CUX2: variants seen among roughly 807,000 people sequenced by gnomAD.
CUX2 encodes the protein homeobox protein cut-like 2.
A neutral mutation model predicts 144.8 loss-of-function variants in CUX2; 40 were observed. That is an observed-to-expected ratio of 0.28 (90% confidence interval 0.21 to 0.36). The LOEUF is 0.36. CUX2 is among the 10% of genes least tolerant of loss of function. CUX2 has a pLI of 1.00. For synonymous variants in CUX2, 827 were observed against 875.6 expected, an observed-to-expected ratio of 0.94 and a Z score of 0.98; for missense variants, 1,615 against 1,994.0, an observed-to-expected ratio of 0.81 and a Z score of 3.62.
rs1888991504 is a variant in CUX2 at position 111,350,074 on chromosome 12, A to G, written c.*1749A>G. 6.6e-6 allele frequency: 1 copy of G among 152,662 alleles called. No individual in the cohort carries two copies. The highest frequency in any genetic ancestry group is 6.5e-5 in the Admixed American group (1 of 15,280). The allele number at this position is 152,662 out of a possible 1,614,324, so 9.5% of individuals were successfully genotyped here. A position where few individuals can be genotyped will look rare whatever the true frequency, so the allele number is the denominator to read the frequency against. The stretch of plus-strand genomic sequence containing the variant: ...TCCATACACCCAGGCTATGCATTGA[A>G]GAGTTTTCCACTGTATACATTTTTA... On this transcript the variant is annotated 3_prime_UTR_variant, in exon 22 of 22. Coordinates refer to ENST00000261726, the MANE Select transcript of CUX2 (RefSeq NM_015267.4).
intron 18 of CUX2, among the ~76,000 whole-genome samples, chr12:111,326,793 A>G (rs539691777): frequency 6.6e-5 from 10 of 152,072 alleles, no homozygotes; most frequent in African/African-American, 1.7e-4. Flanking sequence ...AATCCCAGCT[A>G]CTCGGGAGGC....
chr12:111,319,606 C>T (rs1485064875), intron 16 of CUX2, among the ~76,000 whole-genome samples: 1 of 152,146 alleles, frequency 6.6e-6, no homozygotes, highest in East Asian at 1.9e-4. Flanking sequence ...GTGGTGCACA[C>T]CTGTAATCCC....
chr12:111,103,689 T>C (rs1330883421), intron 1 of CUX2, among the ~76,000 whole-genome samples: 2 of 152,236 alleles, frequency 1.3e-5, no homozygotes, highest in African/African-American at 4.8e-5. Flanking sequence ...CTTACGGTTC[T>C]ATCTGAGAGA....
intron 1 of CUX2, among the ~76,000 whole-genome samples, chr12:111,133,316 C>T (rs575325728): frequency 1.5e-3 from 224 of 152,250 alleles, no homozygotes; most frequent in Non-Finnish European, 2.5e-3. Flanking sequence ...TTCGTTTTCA[C>T]GCTGCCGATA....
intron 1 of CUX2, among the ~76,000 whole-genome samples, chr12:111,157,001 A>AC (rs939945339): frequency 6.6e-6 from 1 of 150,956 alleles, no homozygotes; most frequent in African/African-American, 2.4e-5. Flanking sequence ...AAAAAAAAAA[A>AC]AAAAAAAACA....
intron 1 of CUX2, among the ~76,000 whole-genome samples, chr12:111,138,507 C>T (rs1876078343): frequency 6.6e-6 from 1 of 152,114 alleles, no homozygotes. Context: ...GGCTGCTTGA[C>T]CTTTCTGAGC....
intron 1 of CUX2, among the ~76,000 whole-genome samples, chr12:111,134,322 G>A (rs1016962859): frequency 3.3e-5 from 5 of 152,208 alleles, no homozygotes; most frequent in Admixed American, 6.5e-5. Flanking sequence ...ACCCACATGC[G>A]TGCTTCTTAT....
At position 111,349,327 on chromosome 12, in the gene CUX2, T is replaced by C. The variant is rs1888954900; in HGVS notation, c.*1002T>C. On this transcript the variant is annotated 3_prime_UTR_variant, in exon 22 of 22. Coordinates refer to ENST00000261726, the MANE Select transcript of CUX2 (RefSeq NM_015267.4). ...GTTTCCCCACTTGTAGGAGTGTGGG[T>C]ATTCCAGAGCAAGACTGTGGCCACC... The C allele has an allele frequency of 6.6e-6, 1 of 152,154 alleles. No individual in the cohort carries two copies. Among genetic ancestry groups the C allele is most frequent in the Non-Finnish European group, 1.5e-5 (1 of 68,072 alleles). The allele number at this position is 152,154 out of a possible 1,614,324, so 9.4% of individuals were successfully genotyped here.
At chr12:111,071,794 G>A (rs986242601) in intron 1 of CUX2, among the ~76,000 whole-genome samples, 6 of 152,164 alleles carry the variant, frequency 3.9e-5, no homozygotes, top group African/African-American at 1.4e-4. Context: ...TAAGGTCTGT[G>A]TCTCTATTGA....
At position 111,057,362 on chromosome 12, in the gene CUX2, T is replaced by C. The variant is rs1870572648; in HGVS notation, c.63+23122T>C. Among the ~76,000 whole-genome samples the C allele has an allele frequency of 6.6e-6, 1 of 151,058 alleles. No individual in the cohort carries two copies. Among genetic ancestry groups the C allele is most frequent in the Non-Finnish European group, 1.5e-5 (1 of 67,712 alleles). ...GAAGTTAGTGGGACAGAGACGGCTATGTGAGTGGAGTGGAGTGGGTGTGAC... is the reference window on the plus strand; with the variant it reads ...GAAGTTAGTGGGACAGAGACGGCTACGTGAGTGGAGTGGAGTGGGTGTGAC... On this transcript the variant is annotated intron_variant, in intron 1 of 21. Transcript: ENST00000261726. This position sits in a 1 kb window ranked among gnomAD's most constrained non-coding sequence, Gnocchi z 5.1.
chr12:111,267,278 C>T (rs1394871141), intron 4 of CUX2, among the ~76,000 whole-genome samples: 1 of 151,866 alleles, frequency 6.6e-6, no homozygotes, highest in Non-Finnish European at 1.5e-5. Context: ...ATCCCCGGCC[C>T]ACAGAATCAG....
intron 1 of CUX2, among the ~76,000 whole-genome samples, chr12:111,150,194 G>C (rs536346586): frequency 5.4e-4 from 83 of 152,320 alleles, no homozygotes; most frequent in African/African-American, 1.8e-3. Flanking sequence ...TAAATGCGAA[G>C]TGGCAAGACA....
intron 3 of CUX2, among the ~76,000 whole-genome samples, chr12:111,260,419 G>A (rs1042602125): frequency 3.3e-5 from 5 of 151,300 alleles, no homozygotes; most frequent in South Asian, 2.1e-4. Flanking sequence ...AGCCAAGATC[G>A]TGCCACTGCA....
intron 1 of CUX2, among the ~76,000 whole-genome samples, chr12:111,105,966 G>C (rs1426499789): frequency 1.3e-5 from 2 of 150,282 alleles, no homozygotes; most frequent in Admixed American, 6.7e-5. Context: ...CTGGGCTCAA[G>C]TGATACTCCC....
intron 1 of CUX2, among the ~76,000 whole-genome samples, chr12:111,145,755 C>T (rs1381189227): frequency 6.6e-6 from 1 of 152,080 alleles, no homozygotes; most frequent in Admixed American, 6.6e-5. Flanking sequence ...CAGTCTCTGC[C>T]TCCCAGGTTC....
chr12:111,291,598 T>C (rs745488893), intron 5 of CUX2, 46 bp downstream of exon 5: 10 of 1,507,062 alleles, frequency 6.6e-6, no homozygotes, highest in Middle Eastern at 1.8e-4. Flanking sequence ...ACAACCAGGC[T>C]GCAGATCTTC....
At chr12:111,223,787 G>A (rs1357981857) in intron 3 of CUX2, among the ~76,000 whole-genome samples, 6 of 152,122 alleles carry the variant, frequency 3.9e-5, no homozygotes, top group South Asian at 4.1e-4. Flanking sequence ...TGGTTCATTC[G>A]CACCTCAGGG....
At chr12:111,272,666 G>A (rs1206864618) in intron 4 of CUX2, among the ~76,000 whole-genome samples, 1 of 152,114 alleles carries the variant, frequency 6.6e-6, no homozygotes, top group African/African-American at 2.4e-5. Context: ...GTTTCACCAT[G>A]TTGGTCAGGC....
chr12:111,311,429 A>T (rs971353095), intron 15 of CUX2, among the ~76,000 whole-genome samples: 1 of 151,980 alleles, frequency 6.6e-6, no homozygotes, highest in African/African-American at 2.4e-5. Flanking sequence ...CTGGGATTAC[A>T]GTCACAACGC....
Sources: allele counts gnomAD v4.1 joint callset (sites outside exome capture counted in the v4.1 genomes callset), GRCh38; gene constraint gnomAD v4.1.1; non-coding constraint Gnocchi (gnomAD v3.1); transcripts MANE v1.5; gene names NCBI Gene and HGNC (gene_info 2026-07-23, HGNC 2026-07-21).